XKR4: variants seen among roughly 807,000 people sequenced by gnomAD.
XKR4 encodes the protein XK related 4, also known as XK-related protein 4.
Under a neutral mutation model 53.9 loss-of-function variants are expected in XKR4, and 12 were observed. The ratio of observed to expected loss-of-function variants is 0.22; its 90% confidence interval spans 0.14 to 0.36. The LOEUF (loss-of-function observed/expected upper bound fraction) is 0.36. Among genes scored for constraint, XKR4 ranks in the 10% least tolerant of loss-of-function variants. XKR4 has a pLI of 1.00. For synonymous variants in XKR4, 354 were observed against 362.4 expected, an observed-to-expected ratio of 0.98 and a Z score of 0.26; for missense variants, 799 against 859.5, an observed-to-expected ratio of 0.93 and a Z score of 0.88.
intron 1 of XKR4, among the ~76,000 whole-genome samples, chr8:55,248,518 A>G (rs1315884634): frequency 6.6e-6 from 1 of 152,216 alleles, no homozygotes; most frequent in Admixed American, 6.5e-5. Flanking sequence ...ATCATATATC[A>G]AAACAATACG....
At chr8:55,296,737 C>A (rs1271108673) in intron 1 of XKR4, among the ~76,000 whole-genome samples, 1 of 152,000 alleles carries the variant, frequency 6.6e-6, no homozygotes, top group Non-Finnish European at 1.5e-5. Context: ...TATGCAGGAC[C>A]AGAGGAGACC....
At chr8:55,168,566 C>A (rs1302508683) in intron 1 of XKR4, among the ~76,000 whole-genome samples, 1 of 152,192 alleles carries the variant, frequency 6.6e-6, no homozygotes, top group African/African-American at 2.4e-5. Context: ...TTGATCCTCA[C>A]CTTGGAAAGA....
At chr8:55,358,391 G>A (rs554079137) in intron 2 of XKR4, among the ~76,000 whole-genome samples, 251 of 146,502 alleles carry the variant, frequency 1.7e-3, no homozygotes, top group African/African-American at 6.4e-3. Flanking sequence ...TTTAAAGAAA[G>A]AAGGTCATAA....
chr8:55,168,597 C>T (rs1313227697), intron 1 of XKR4, among the ~76,000 whole-genome samples: 1 of 152,108 alleles, frequency 6.6e-6, no homozygotes, highest in Non-Finnish European at 1.5e-5. Flanking sequence ...ACTTCCCCTG[C>T]CTCATTTCAT....
At chr8:55,280,482 G>A (rs1338743468) in intron 1 of XKR4, among the ~76,000 whole-genome samples, 2 of 152,204 alleles carry the variant, frequency 1.3e-5, no homozygotes, top group African/African-American at 4.8e-5. Context: ...AGGTGCTTCT[G>A]CAGCCCTCTA....
chr8:55,449,367 C>CTGTACACACAAG, intron 2 of XKR4: 2 of 603,140 alleles, frequency 3.3e-6, no homozygotes, highest in Non-Finnish European at 6.0e-6. Context: ...GGGACTAGGG[C>CTGTACACACAAG]TGTACACACA....
intron 2 of XKR4, among the ~76,000 whole-genome samples, chr8:55,473,366 A>G (rs572846382): frequency 1.8e-4 from 28 of 151,586 alleles, no homozygotes; most frequent in African/African-American, 5.9e-4. Context: ...CAACAACCCT[A>G]TCTTATTTAT....
At chr8:55,513,459 T>C (rs182277104) in intron 2 of XKR4, among the ~76,000 whole-genome samples, 121 of 152,204 alleles carry the variant, frequency 7.9e-4, no homozygotes, top group Middle Eastern at 3.4e-3. Context: ...TTCCCACAAA[T>C]AGGGGCAGAA....
At chr8:55,146,371 A>G (rs945698647) in intron 1 of XKR4, among the ~76,000 whole-genome samples, 3 of 152,228 alleles carry the variant, frequency 2.0e-5, no homozygotes, top group East Asian at 1.9e-4. Flanking sequence ...GTTCTTACAT[A>G]TAAGTATAAT....
intron 1 of XKR4, among the ~76,000 whole-genome samples, chr8:55,289,937 C>T (rs1317670877): frequency 1.3e-5 from 2 of 151,626 alleles, no homozygotes; most frequent in Non-Finnish European, 2.9e-5. Context: ...AATAGCTGTG[C>T]CATTTTTTAT....
chr8:55,454,718 C>T (rs534448150), intron 2 of XKR4: 6 of 835,130 alleles, frequency 7.2e-6, no homozygotes, highest in South Asian at 2.8e-5. Flanking sequence ...TAGATGAGGC[C>T]GAGGCTGTTC....
At chr8:55,201,941 A>G (rs538799566) in intron 1 of XKR4, among the ~76,000 whole-genome samples, 8 of 152,338 alleles carry the variant, frequency 5.3e-5, no homozygotes, top group African/African-American at 1.9e-4. Flanking sequence ...CCTCTATTAA[A>G]AAGGAGTGTC....
intron 2 of XKR4, among the ~76,000 whole-genome samples, chr8:55,523,059 G>A (rs530110490): frequency 5.9e-4 from 89 of 151,634 alleles, no homozygotes; most frequent in African/African-American, 2.0e-3. Flanking sequence ...GGAGAATGGC[G>A]TGAACCCAGG....
chr8:55,135,737 T>TCCTGACCCCTGACCCAGCAGGCCG, intron 1 of XKR4: 1 of 432,118 alleles, frequency 2.3e-6, no homozygotes, highest in Non-Finnish European at 4.8e-6. Flanking sequence ...CTGGGCACCT[T>TCCTGACCCCTGACCCAGCAGGCCG]CCTGACCCCT....
At chr8:55,272,398 C>G (rs952361237) in intron 1 of XKR4, among the ~76,000 whole-genome samples, 64 of 152,108 alleles carry the variant, frequency 4.2e-4, no homozygotes, top group African/African-American at 1.5e-3. Flanking sequence ...TGAGATAGCC[C>G]CATAAAAACA....
intron 2 of XKR4, among the ~76,000 whole-genome samples, chr8:55,497,594 CA>C (rs1806370529): frequency 6.6e-6 from 1 of 152,232 alleles, no homozygotes; most frequent in African/African-American, 2.4e-5. Flanking sequence ...GTTGTTCAGG[CA>C]AGACCTTTGG....
At chr8:55,259,535 A>G (rs1818487180) in intron 1 of XKR4, among the ~76,000 whole-genome samples, 1 of 152,086 alleles carries the variant, frequency 6.6e-6, no homozygotes, top group Non-Finnish European at 1.5e-5. Context: ...TCCAGAGCCC[A>G]CACTCCACAG....
chr8:55,166,684 G>A (rs549385758), intron 1 of XKR4, among the ~76,000 whole-genome samples: 1 of 152,290 alleles, frequency 6.6e-6, no homozygotes, highest in South Asian at 2.1e-4. Flanking sequence ...GAACATGATG[G>A]TAGTGAATTA....
intron 1 of XKR4, among the ~76,000 whole-genome samples, chr8:55,126,916 A>G (rs936095476): frequency 3.9e-5 from 6 of 152,248 alleles, no homozygotes; most frequent in Admixed American, 3.3e-4. Context: ...CTATTTTCAA[A>G]AAATCTTAAA....
Sources: gnomAD v4.1 joint callset for allele counts (sites outside exome capture counted in the v4.1 genomes callset) on GRCh38, gnomAD v4.1.1 for gene constraint, MANE v1.5 for transcripts, NCBI Gene and HGNC (gene_info 2026-07-23, HGNC 2026-07-21) for gene names.